PLXNA2: variants seen among roughly 807,000 people sequenced by gnomAD.
The protein encoded by PLXNA2 is plexin A2, also known as plexin-A2.
In PLXNA2, 91 loss-of-function variants were observed where a neutral mutation model predicts 193.5. The ratio of observed to expected loss-of-function variants is 0.47; its 90% CI spans 0.40 to 0.56. PLXNA2 has a LOEUF of 0.56. Among genes scored for constraint, PLXNA2 ranks in the 20% least tolerant of loss-of-function variants. The probability of loss-of-function intolerance (pLI) is 0.00; values close to 1 mark genes in which losing one functional copy is unlikely to be tolerated. For missense variants in PLXNA2, 1,995 were observed against 2,503.2 expected, an observed-to-expected ratio of 0.80 and a Z score of 4.33; for synonymous variants, 997 against 1,027.3, an observed-to-expected ratio of 0.97 and a Z score of 0.56.
chr1:208,034,408 G>T, intron 27 of PLXNA2, 85 bp downstream of exon 27: 1 of 847,374 alleles, frequency 1.2e-6, no homozygotes, highest in Non-Finnish European at 2.0e-6. Context: ...AGGGCTGCCT[G>T]CTGTTAGAAG....
chr1:208,049,542 A>G (rs1230584154), intron 17 of PLXNA2, among the ~76,000 whole-genome samples: 1 of 152,186 alleles, frequency 6.6e-6, no homozygotes, highest in African/African-American at 2.4e-5. Context: ...GGTGTGGTAC[A>G]AGTGCTCCCC....
At chr1:208,234,535 C>T (rs1671792570) in intron 1 of PLXNA2, among the ~76,000 whole-genome samples, 1 of 152,164 alleles carries the variant, frequency 6.6e-6, no homozygotes, top group Non-Finnish European at 1.5e-5. Context: ...TAGAAGACAG[C>T]TAATGCTTCT....
rs149796460 is a variant in PLXNA2, at chr1:208,224,323, C to T, written c.-80-6321G>A. ...TATTATTATTCAAATGCCCATGATT[C>T]TCATTGAGAACCAAGAGAGAGGAGA... On this transcript the variant is annotated intron_variant, in intron 1 of 31. Coordinates refer to ENST00000367033, the MANE Select transcript of PLXNA2 (RefSeq NM_025179.4). 8.0e-4 allele frequency among the ~76,000 whole-genome samples: 112 copies of T among 140,808 alleles called. 2 individuals carry two copies. The East Asian group carries it at 0.021, about 26-fold the overall frequency. 92.4% of individuals were successfully genotyped at this position (140,808 alleles called of 152,430 possible).
chr1:208,086,979 C>CTCTCTCTG (rs1491364667), intron 9 of PLXNA2, among the ~76,000 whole-genome samples: 47 of 65,486 alleles, frequency 7.2e-4, no homozygotes, highest in Admixed American at 4.5e-3. Flanking sequence ...CTCTCTCTCT[C>CTCTCTCTG]TGTGTGTGTG....
At chr1:208,071,143 A>G (rs974018195) in intron 12 of PLXNA2, among the ~76,000 whole-genome samples, 2 of 152,220 alleles carry the variant, frequency 1.3e-5, no homozygotes, top group Non-Finnish European at 2.9e-5. Context: ...GTAAAAGGAT[A>G]CAGGAGAAAC....
intron 14 of PLXNA2, 117 bp downstream of exon 14, chr1:208,054,304 C>T: frequency 1.5e-6 from 1 of 682,326 alleles, no homozygotes; most frequent in South Asian, 1.9e-5. Context: ...TCCTTTTCTC[C>T]TCCTTGGTCT....
intron 3 of PLXNA2, among the ~76,000 whole-genome samples, chr1:208,204,838 AG>A (rs2102589436): frequency 6.6e-6 from 1 of 152,268 alleles, no homozygotes; most frequent in Non-Finnish European, 1.5e-5. Flanking sequence ...TGCCATGCAT[AG>A]TGGTTGAAGG....
intron 12 of PLXNA2, among the ~76,000 whole-genome samples, chr1:208,071,169 C>T (rs546974748): frequency 6.6e-6 from 1 of 152,250 alleles, no homozygotes; most frequent in East Asian, 1.9e-4. Context: ...TCAGAGCCTC[C>T]CAGAAGGAGA....
chr1:208,089,658 A>G (rs1307259342), intron 9 of PLXNA2, among the ~76,000 whole-genome samples: 1 of 152,208 alleles, frequency 6.6e-6, no homozygotes, highest in African/African-American at 2.4e-5. Flanking sequence ...AAGAAATTAT[A>G]AATGTGTGAT....
Position 208,045,139 on chromosome 1 carries a change from A to C in PLXNA2, c.3567T>G (p.Pro1189=). 6.2e-7 allele frequency: 1 copy of C among 1,614,156 alleles called. No individual in the cohort carries two copies. Among genetic ancestry groups the C allele is most frequent in the South Asian group, 1.1e-5 (1 of 91,080 alleles). Residue 1189 remains proline (P), a synonymous_variant, in exon 19 of 32, where the codon CCT becomes CCG. Transcript: ENST00000367033. ...LNYTVLIGET[P]CAVTVSETQL... The stretch of plus-strand genomic sequence containing the variant: ...GGGTCTCAGATACGGTGACAGCACA[A>C]GGGGTCTCTCCGATGAGCACAGTGT...
rs1205154629 is a variant in PLXNA2, at chr1:208,022,930, C to G, written c.*4313G>C. 1 of 152,156 alleles carries G rather than the reference C, an allele frequency of 6.6e-6. No homozygotes were observed. The highest frequency in any genetic ancestry group is 1.5e-5 in the Non-Finnish European group (1 of 68,042). 9.4% of individuals were successfully genotyped at this position (152,156 alleles called of 1,614,324 possible). A position where few individuals can be genotyped will look rare whatever the true frequency, so the allele number is the denominator to read the frequency against. On this transcript the variant is annotated 3_prime_UTR_variant, in exon 32 of 32. Transcript: ENST00000367033. ...CAGTGGCTGTGATCGTGTCTCAGGA[C>G]TTTCCCTAGCACTAGTTAGAAAATA...
At chr1:208,067,671 G>A (rs936245450) in intron 12 of PLXNA2, among the ~76,000 whole-genome samples, 16 of 152,158 alleles carry the variant, frequency 1.1e-4, no homozygotes, top group Non-Finnish European at 1.5e-4. Flanking sequence ...TTCAGGACCA[G>A]TCACATGCAG....
At chr1:208,088,777 T>C (rs17187037) in intron 9 of PLXNA2, among the ~76,000 whole-genome samples, 5,954 of 152,310 alleles carry the variant, frequency 0.039, 166 homozygotes, top group Non-Finnish European at 0.058. Context: ...GGAAAATCAA[T>C]GTGTGTTGTA....
In PLXNA2 at chr1:208,038,747, C is replaced by T; in HGVS notation, c.4660+78G>A. On this transcript the variant is annotated intron_variant, in intron 25 of 31. Coordinates refer to ENST00000367033, the MANE Select transcript of PLXNA2 (RefSeq NM_025179.4). This position sits in a 1 kb window ranked among gnomAD's most constrained non-coding sequence, Gnocchi z 4.1. The stretch of plus-strand genomic sequence containing the variant: ...TGGCCAGGACACAGTCATGCCCCTG[C>T]AAGGGTTGTGTGCATGGCAGCTTCC... 6.9e-7 allele frequency: 1 copy of T among 1,452,548 alleles called. No homozygotes were observed. Among genetic ancestry groups the T allele is most frequent in the Non-Finnish European group, 9.5e-7 (1 of 1,048,020 alleles). The allele number at this position is 1,452,548 out of a possible 1,614,324, so 90.0% of individuals were successfully genotyped here. A position where few individuals can be genotyped will look rare whatever the true frequency, so the allele number is the denominator to read the frequency against.
At chr1:208,142,150 C>A (rs2590689) in intron 4 of PLXNA2, among the ~76,000 whole-genome samples, 179 bp downstream of exon 4, 3 of 152,200 alleles carry the variant, frequency 2.0e-5, no homozygotes, top group Non-Finnish European at 4.4e-5. Context: ...AAGTGGCTGG[C>A]CCCCGGCTGC....
At chr1:208,030,701 T>C in intron 29 of PLXNA2, 1 of 985,478 alleles carries the variant, frequency 1.0e-6, no homozygotes, top group Non-Finnish European at 1.2e-6. Flanking sequence ...GTGTCGGCTC[T>C]GTTTTCTGAG....
chr1:208,241,195 G>C (rs1672038879), intron 1 of PLXNA2, among the ~76,000 whole-genome samples: 2 of 152,208 alleles, frequency 1.3e-5, no homozygotes, highest in Admixed American at 1.3e-4. Context: ...AGGGACCTAG[G>C]AAACAGGTAG....
At chr1:208,119,216 G>A (rs61815414) in intron 4 of PLXNA2, among the ~76,000 whole-genome samples, 12,349 of 152,248 alleles carry the variant, frequency 0.081, 574 homozygotes, top group Middle Eastern at 0.099. Context: ...AAGTGGAGGA[G>A]GTCAGCCAGG....
intron 29 of PLXNA2, chr1:208,029,441 C>G: frequency 9.8e-7 from 1 of 1,016,446 alleles, no homozygotes. Context: ...TGGCCATTGT[C>G]CGGAAGAAGG....
Sources: gnomAD v4.1 joint callset for allele counts (sites outside exome capture counted in the v4.1 genomes callset) on GRCh38, gnomAD v4.1.1 for gene constraint, Gnocchi (gnomAD v3.1) non-coding constraint, MANE v1.5 for transcripts, NCBI Gene and HGNC (gene_info 2026-07-23, HGNC 2026-07-21) for gene names.